The following SNX29 variants were observed in gnomAD, a reference collection of about 807,000 sequenced individuals.
SNX29 encodes the protein sorting nexin 29, also known as sorting nexin-29.
In SNX29, 78 loss-of-function variants were observed where a neutral mutation model predicts 102.1. The ratio of observed to expected loss-of-function variants is 0.76; its 90% CI spans 0.64 to 0.92. The LOEUF (loss-of-function observed/expected upper bound fraction) is 0.92. SNX29 is among the 40% of genes least tolerant of loss of function. The pLI, the probability that SNX29 is intolerant of heterozygous loss-of-function variation, is 0.00. For missense variants in SNX29, 1,280 were observed against 1,061.7 expected (o/e 1.21, Z -2.86); for synonymous variants, 580 against 414.5 (o/e 1.40, Z -4.85).
chr16:12,524,970 AGG>A, intron 20 of SNX29, 129 bp downstream of exon 20: 1 of 1,338,164 alleles, frequency 7.5e-7, no homozygotes. Context: ...GGCGAACTCC[AGG>A]GGCTGTTCCA....
intron 1 of SNX29, among the ~76,000 whole-genome samples, chr16:11,988,293 CAA>C (rs35258709): frequency 7.7e-4 from 100 of 129,248 alleles, no homozygotes; most frequent in Admixed American, 1.6e-3. Context: ...GACTCCATCT[CAA>C]AAAAAAAAAA....
At chr16:12,420,219 G>T (rs2084816231) in intron 18 of SNX29, among the ~76,000 whole-genome samples, 1 of 152,252 alleles carries the variant, frequency 6.6e-6, no homozygotes, top group Non-Finnish European at 1.5e-5. Flanking sequence ...CTGCCTTCTT[G>T]CGAAGTTTCA....
chr16:12,100,303 T>G (rs962241098), intron 11 of SNX29, among the ~76,000 whole-genome samples: 2 of 152,146 alleles, frequency 1.3e-5, no homozygotes, highest in African/African-American at 2.4e-5. Flanking sequence ...AATTTTGCGG[T>G]GTCTCTGGCC....
chr16:12,216,025 C>T (rs2077314396), intron 14 of SNX29, among the ~76,000 whole-genome samples: 1 of 152,206 alleles, frequency 6.6e-6, no homozygotes, highest in Non-Finnish European at 1.5e-5. Context: ...AGCAGGCATA[C>T]ATCCTGGGCC....
intron 19 of SNX29, among the ~76,000 whole-genome samples, chr16:12,515,189 C>A (rs2089810795): frequency 1.3e-5 from 2 of 152,146 alleles, no homozygotes; most frequent in African/African-American, 4.8e-5. Flanking sequence ...CTATGGAAGA[C>A]CTTGTGTAGC....
intron 8 of SNX29, among the ~76,000 whole-genome samples, chr16:12,056,338 G>A (rs1230610247): frequency 1.3e-5 from 2 of 152,188 alleles, no homozygotes; most frequent in African/African-American, 4.8e-5. Context: ...CACTTGGCCT[G>A]GGCCCTCTGA....
At chr16:12,402,371 G>C (rs1439127375) in intron 17 of SNX29, among the ~76,000 whole-genome samples, 1 of 152,240 alleles carries the variant, frequency 6.6e-6, no homozygotes, top group Non-Finnish European at 1.5e-5. Context: ...TCCAAGCCCA[G>C]AAGGCTGGCG....
At chr16:12,203,357 T>C in intron 14 of SNX29, among the ~76,000 whole-genome samples, 1 of 151,962 alleles carries the variant, frequency 6.6e-6, no homozygotes, top group South Asian at 2.1e-4. Flanking sequence ...TCAGGTGGAC[T>C]GGTGGCATTG....
At chr16:12,471,236 C>T (rs1460206585) in intron 18 of SNX29, among the ~76,000 whole-genome samples, 2 of 152,156 alleles carry the variant, frequency 1.3e-5, no homozygotes, top group African/African-American at 2.4e-5. Context: ...ATCTTCTTTT[C>T]CACCCGCTTA....
intron 18 of SNX29, among the ~76,000 whole-genome samples, chr16:12,465,983 G>C (rs1432686542): frequency 6.6e-6 from 1 of 152,072 alleles, no homozygotes; most frequent in Non-Finnish European, 1.5e-5. Context: ...ATGAGGTATA[G>C]AAGGATGTAC....
intron 20 of SNX29, among the ~76,000 whole-genome samples, chr16:12,567,420 G>A (rs2079057320): frequency 6.6e-6 from 1 of 152,200 alleles, no homozygotes; most frequent in South Asian, 2.1e-4. Context: ...GCGTATAGTA[G>A]GCAGAGTAAG....
chr16:12,018,255 A>T (rs994385654), intron 3 of SNX29, among the ~76,000 whole-genome samples: 4 of 152,086 alleles, frequency 2.6e-5, no homozygotes, highest in East Asian at 1.9e-4. Flanking sequence ...GTTTTTCTTC[A>T]TATAGGGCTT....
At position 12,452,631 on chromosome 16, in the gene SNX29, C is replaced by T. The variant is rs950243107; in HGVS notation, c.2038-25088C>T. Among the ~76,000 whole-genome samples, 56 of 149,838 alleles carry T rather than the reference C, an allele frequency of 3.7e-4. 1 individual carries two copies. The highest frequency in any genetic ancestry group is 3.1e-3 in the Admixed American group (47 of 14,966). ...GCTCCAATCATTTTCTCTCCTTCTT[C>T]AGTGGATGTGAGGGAGGGTCACCAG... On this transcript the variant is annotated intron_variant, in intron 18 of 20. Transcript: ENST00000566228.
At chr16:12,520,001 A>C in intron 19 of SNX29, among the ~76,000 whole-genome samples, 1 of 150,876 alleles carries the variant, frequency 6.6e-6, no homozygotes, top group East Asian at 1.9e-4. Context: ...AAAAATAAAA[A>C]TAAAAATAAT....
intron 14 of SNX29, among the ~76,000 whole-genome samples, chr16:12,253,500 A>G (rs1025317450): frequency 1.3e-5 from 2 of 152,142 alleles, no homozygotes; most frequent in Non-Finnish European, 2.9e-5. Context: ...TGGGGAGATC[A>G]TGACTTTAAG....
chr16:12,491,930 T>A (rs2088569527), intron 19 of SNX29, among the ~76,000 whole-genome samples: 1 of 152,238 alleles, frequency 6.6e-6, no homozygotes, highest in Non-Finnish European at 1.5e-5. Flanking sequence ...AGTCTATCGT[T>A]GTTGGACATT....
chr16:12,383,715 C>T lies in SNX29; in HGVS notation c.1900-14731C>T, dbSNP rs148134892. Among the ~76,000 whole-genome samples the T allele has an allele frequency of 6.3e-3, 942 of 149,136 alleles. 9 individuals carry two copies. Among genetic ancestry groups the T allele is most frequent in the Middle Eastern group, 0.014 (4 of 282 alleles). On this transcript the variant is annotated intron_variant, in intron 16 of 20. Coordinates refer to ENST00000566228, the MANE Select transcript of SNX29 (RefSeq NM_032167.5). ...CCTCTCAAAGTGCTAGGATTACAGGCGTGAGCCAGCACGCCCAGCCTGATG... is the reference window on the plus strand; with the variant it reads ...CCTCTCAAAGTGCTAGGATTACAGGTGTGAGCCAGCACGCCCAGCCTGATG...
At chr16:12,334,494 A>G (rs977072514) in intron 15 of SNX29, among the ~76,000 whole-genome samples, 1 of 152,182 alleles carries the variant, frequency 6.6e-6, no homozygotes, top group African/African-American at 2.4e-5. Context: ...TGCATAAAAC[A>G]GGGACACAGG....
chr16:12,277,538 C>G (rs1290456357), intron 14 of SNX29, among the ~76,000 whole-genome samples: 1 of 152,192 alleles, frequency 6.6e-6, no homozygotes, highest in African/African-American at 2.4e-5. Flanking sequence ...GTGCTTCTGT[C>G]TCATGACAGT....
Sources: allele counts gnomAD v4.1 joint callset (sites outside exome capture counted in the v4.1 genomes callset), GRCh38; gene constraint gnomAD v4.1.1; transcripts MANE v1.5; gene names NCBI Gene and HGNC (gene_info 2026-07-23, HGNC 2026-07-21).